The following RNLS variants were observed in gnomAD, a reference collection of about 807,000 sequenced individuals.
RNLS encodes the protein renalase.
In RNLS, 39 loss-of-function variants were observed where a neutral mutation model predicts 39.8. The observed-to-expected ratio is 0.98, with a 90% CI of 0.76 to 1.28. The LOEUF is 1.28. Ranked by LOEUF, RNLS falls within the 50% of genes most tolerant of loss-of-function variation. The probability of loss-of-function intolerance (pLI) is 0.00; values close to 1 mark genes in which losing one functional copy is unlikely to be tolerated. For synonymous variants in RNLS, 147 were observed against 150.7 expected (o/e 0.98, Z 0.18); for missense variants, 410 against 413.3 (o/e 0.99, Z 0.07).
the RNLS span, among the ~76,000 whole-genome samples, chr10:88,196,279 T>C: frequency 1.3e-5 from 2 of 152,220 alleles, no homozygotes; most frequent in African/African-American, 4.8e-5. Flanking sequence ...AAATGAGATG[T>C]GGTGTTTTAT....
At chr10:88,315,944 A>G (rs1190303919) in intron 5 of RNLS, among the ~76,000 whole-genome samples, 1 of 152,166 alleles carries the variant, frequency 6.6e-6, no homozygotes, top group Non-Finnish European at 1.5e-5. Context: ...ACACGCGTAA[A>G]GCTTCCTCAG....
At chr10:88,395,460 GA>G (rs1437395962) in intron 4 of RNLS, among the ~76,000 whole-genome samples, 3 of 151,834 alleles carry the variant, frequency 2.0e-5, no homozygotes, top group Non-Finnish European at 2.9e-5. Flanking sequence ...AATAACAGAA[GA>G]AAAAATTTTA....
At chr10:88,568,877 T>C (rs1849668878) in intron 4 of RNLS, among the ~76,000 whole-genome samples, 1 of 152,180 alleles carries the variant, frequency 6.6e-6, no homozygotes, top group South Asian at 2.1e-4. Context: ...ATTCTCACAG[T>C]GCGGCTTTGA....
intron 6 of RNLS, among the ~76,000 whole-genome samples, chr10:88,309,060 G>A (rs1409233879): frequency 6.6e-6 from 1 of 152,130 alleles, no homozygotes; most frequent in Non-Finnish European, 1.5e-5. Flanking sequence ...TTAAAAGTGG[G>A]AGCTAAATGA....
chr10:88,341,764 T>G (rs543348784), intron 5 of RNLS, among the ~76,000 whole-genome samples: 6 of 152,266 alleles, frequency 3.9e-5, no homozygotes, highest in African/African-American at 1.4e-4. Context: ...GATGCTAGCT[T>G]AAATGTACTA....
chr10:88,338,801 T>G (rs1315366322), intron 5 of RNLS, among the ~76,000 whole-genome samples: 1 of 150,586 alleles, frequency 6.6e-6, no homozygotes, highest in Non-Finnish European at 1.5e-5. Flanking sequence ...CTCGCTCTGT[T>G]GCCAGGCTGG....
At chr10:88,376,413 T>C (rs1019129232) in intron 4 of RNLS, among the ~76,000 whole-genome samples, 2 of 152,204 alleles carry the variant, frequency 1.3e-5, no homozygotes, top group African/African-American at 4.8e-5. Flanking sequence ...AAATAAAATA[T>C]TTATTTATTG....
chr10:88,412,442 T>C (rs1589749537), intron 4 of RNLS, among the ~76,000 whole-genome samples: 1 of 152,208 alleles, frequency 6.6e-6, no homozygotes, highest in East Asian at 1.9e-4. Flanking sequence ...AGATCTACAC[T>C]AATATCTCTG....
intron 4 of RNLS, among the ~76,000 whole-genome samples, chr10:88,441,840 C>T (rs145215476): frequency 3.9e-5 from 6 of 152,266 alleles, no homozygotes; most frequent in Middle Eastern, 3.4e-3. Context: ...AGTAGAAAAC[C>T]TTGACAGGTC....
intron 4 of RNLS, among the ~76,000 whole-genome samples, chr10:88,464,715 C>T (rs1843108544): frequency 6.6e-6 from 1 of 151,674 alleles, no homozygotes; most frequent in Non-Finnish European, 1.5e-5. Context: ...ACAGCTGCCT[C>T]TTAAAGCTCC....
At chr10:88,528,442 G>A (rs932620375) in intron 4 of RNLS, among the ~76,000 whole-genome samples, 1 of 152,136 alleles carries the variant, frequency 6.6e-6, no homozygotes, top group African/African-American at 2.4e-5. Context: ...AAAGAAAGCA[G>A]GAAACAGGAT....
the RNLS span, among the ~76,000 whole-genome samples, chr10:88,191,647 C>T: frequency 2.0e-5 from 3 of 152,202 alleles, no homozygotes; most frequent in Non-Finnish European, 2.9e-5. Flanking sequence ...CCTGTGCTAG[C>T]TCCATTGTCA....
intron 4 of RNLS, among the ~76,000 whole-genome samples, chr10:88,513,716 C>T (rs11202761): frequency 0.17 from 25,922 of 151,980 alleles, 2,417 homozygotes; most frequent in Middle Eastern, 0.28. Context: ...ATGCATATTT[C>T]CTAGAAATTA....
At position 88,565,052 on chromosome 10, in the gene RNLS, C is replaced by T. The variant is rs545437395; in HGVS notation, c.526+7851G>A. On this transcript the variant is annotated intron_variant, in intron 4 of 6. Transcript: ENST00000331772. ...ACAGGAAGCTACAGACGTGGCTGTT[C>T]ATAGTCTGTACAAATGTGAAACATG... 3.3e-5 allele frequency among the ~76,000 whole-genome samples: 5 copies of T among 152,314 alleles called. No homozygotes were observed. In the South Asian group the frequency reaches 6.2e-4, roughly 19 times the overall value.
chr10:88,548,284 A>G (rs1456363344), intron 4 of RNLS, among the ~76,000 whole-genome samples: 3 of 125,080 alleles, frequency 2.4e-5, no homozygotes, highest in African/African-American at 5.7e-5. Flanking sequence ...AAAAAAAAAA[A>G]AAAAAAAAAG....
intron 6 of RNLS, chr10:88,309,611 G>T: frequency 2.2e-6 from 1 of 453,540 alleles, no homozygotes; most frequent in Non-Finnish European, 4.2e-6. Flanking sequence ...TGGAAACTTT[G>T]TATTGAAAAG....
the RNLS span, among the ~76,000 whole-genome samples, chr10:88,186,377 A>G: frequency 6.6e-6 from 1 of 152,202 alleles, no homozygotes; most frequent in African/African-American, 2.4e-5. Context: ...ATATAGACGA[A>G]CAGCCAAGTA....
chr10:88,359,347 A>G (rs1849455142), intron 5 of RNLS, among the ~76,000 whole-genome samples: 1 of 152,056 alleles, frequency 6.6e-6, no homozygotes, highest in Admixed American at 6.6e-5. Context: ...TTACTGTCCT[A>G]GTTAAATATC....
At chr10:88,252,159 G>A in the RNLS span, among the ~76,000 whole-genome samples, 1 of 152,088 alleles carries the variant, frequency 6.6e-6, no homozygotes, top group South Asian at 2.1e-4. Context: ...CTCCACCCCA[G>A]GACGCTTTTC....
Sources: gnomAD v4.1 joint callset for allele counts (sites outside exome capture counted in the v4.1 genomes callset) on GRCh38, gnomAD v4.1.1 for gene constraint, MANE v1.5 for transcripts, NCBI Gene and HGNC (gene_info 2026-07-23, HGNC 2026-07-21) for gene names.